Variants in CDH4 observed in about 807,000 individuals in gnomAD.
CDH4 encodes the protein cadherin-4.
CDH4 carries 33 observed loss-of-function variants against 86.0 expected under a neutral mutation model. The observed-to-expected ratio is 0.38, with a 90% confidence interval of 0.29 to 0.51. CDH4 has a LOEUF of 0.51. Among genes scored for constraint, CDH4 ranks in the 20% least tolerant of loss-of-function variants. CDH4 has a pLI of 0.86. For synonymous variants in CDH4, 555 were observed against 549.4 expected (o/e 1.01, Z -0.14); for missense variants, 1,114 against 1,307.4 (o/e 0.85, Z 2.28).
In CDH4 at chr20:61,652,943, T is replaced by TA. The variant is rs796083667; in HGVS notation, c.170-90620_170-90619insA. On this transcript the variant is annotated intron_variant, in intron 2 of 15. Transcript: ENST00000614565. Reference sequence around the variant, plus strand: ...ATTTATTTATTTATTTATTTATTTTTTTTTTTTTTTTTATTGATCATTCTT... The same window carrying TA: ...ATTTATTTATTTATTTATTTATTTTTATTTTTTTTTTTTATTGATCATTCTT... Among the ~76,000 whole-genome samples the TA allele has an allele frequency of 4.1e-4, 50 of 121,246 alleles. 1 individual carries two copies. The highest frequency in any genetic ancestry group is 7.5e-4 in the African/African-American group (27 of 36,052). The allele number at this position is 121,246 out of a possible 152,430, so 79.5% of individuals were successfully genotyped here.
chr20:61,847,451 T>G (rs922718302), intron 5 of CDH4, among the ~76,000 whole-genome samples: 1 of 152,042 alleles, frequency 6.6e-6, no homozygotes, highest in Non-Finnish European at 1.5e-5. Context: ...CAGGTAGAAA[T>G]TTTCAACCCA....
chr20:61,698,701 G>A (rs552352690), intron 2 of CDH4, among the ~76,000 whole-genome samples: 1 of 152,330 alleles, frequency 6.6e-6, no homozygotes, highest in South Asian at 2.1e-4. Context: ...GTGCACTGTG[G>A]GGTGCTCAGC....
chr20:61,897,242 G>A (rs138177286), intron 8 of CDH4, among the ~76,000 whole-genome samples: 1 of 152,222 alleles, frequency 6.6e-6, no homozygotes, highest in East Asian at 1.9e-4. Flanking sequence ...AAAATTCAGA[G>A]AATCCCATCA....
chr20:61,492,810 A>G (rs2085635798), intron 2 of CDH4, among the ~76,000 whole-genome samples: 1 of 152,228 alleles, frequency 6.6e-6, no homozygotes, highest in Non-Finnish European at 1.5e-5. Flanking sequence ...GATAGTATAG[A>G]ACATTTGGGG....
chr20:61,758,212 C>G (rs930490386), intron 3 of CDH4, among the ~76,000 whole-genome samples: 1 of 152,098 alleles, frequency 6.6e-6, no homozygotes, highest in South Asian at 2.1e-4. Context: ...TGTTGACATC[C>G]AAGTTGAGAG....
At chr20:61,805,255 C>T (rs1348871477) in intron 4 of CDH4, among the ~76,000 whole-genome samples, 3 of 152,212 alleles carry the variant, frequency 2.0e-5, no homozygotes, top group African/African-American at 7.2e-5. Flanking sequence ...CAGAGAAGAA[C>T]AGCTCCCTAA....
chr20:61,771,370 T>C (rs367585883), intron 3 of CDH4, among the ~76,000 whole-genome samples: 4 of 148,568 alleles, frequency 2.7e-5, no homozygotes, highest in African/African-American at 9.8e-5. Context: ...ATGCCTGTAA[T>C]CCCAGCACTT....
At chr20:61,834,569 G>C (rs1021261083) in intron 4 of CDH4, among the ~76,000 whole-genome samples, 1 of 152,346 alleles carries the variant, frequency 6.6e-6, no homozygotes, top group South Asian at 2.1e-4. Context: ...GGGGACGCGT[G>C]CATTAAATAT....
chr20:61,342,488 C>A lies in CDH4; in HGVS notation c.169+87551C>A, dbSNP rs2084654200. Among the ~76,000 whole-genome samples the A allele has an allele frequency of 2.0e-5, 3 of 152,174 alleles. No individual in the cohort carries two copies. The South Asian group carries it at 6.2e-4, about 31-fold the overall frequency. The stretch of plus-strand genomic sequence containing the variant: ...TGCACAGTTCACAATAGGGTTTGAG[C>A]TCCTATGAGAATCTAATGCTGCCAC... On this transcript the variant is annotated intron_variant, in intron 2 of 15. Coordinates refer to ENST00000614565, the MANE Select transcript of CDH4 (RefSeq NM_001794.5).
intron 2 of CDH4, among the ~76,000 whole-genome samples, chr20:61,310,889 A>G (rs2084441844): frequency 6.6e-6 from 1 of 152,078 alleles, no homozygotes. Flanking sequence ...TAAGGACCTC[A>G]TTTTGCCTTA....
At chr20:61,437,641 G>A (rs916253109) in intron 2 of CDH4, 6 of 152,228 alleles carry the variant, frequency 3.9e-5, no homozygotes, top group Admixed American at 3.9e-4. Flanking sequence ...GGGTAATAAG[G>A]AAACGAGAGG....
chr20:61,543,789 C>CT (rs1319092505), intron 2 of CDH4, among the ~76,000 whole-genome samples: 1 of 152,204 alleles, frequency 6.6e-6, no homozygotes, highest in Non-Finnish European at 1.5e-5. Context: ...GTTCATTTCT[C>CT]TGAGATGGCG....
At chr20:61,304,260 G>A (rs1235742897) in intron 2 of CDH4, among the ~76,000 whole-genome samples, 4 of 60,588 alleles carry the variant, frequency 6.6e-5, no homozygotes, top group African/African-American at 1.2e-4. Context: ...GATAGTGGAC[G>A]GCACCCCCCC....
rs192457341 is a variant in CDH4, at chr20:61,397,239, A to G, written c.169+142302A>G. On this transcript the variant is annotated intron_variant, in intron 2 of 15. Transcript: ENST00000614565. Reference sequence around the variant, plus strand: ...TAAAAATATTTATTTAAATGAGGAAAAACCAGAAAGTCTTGAGAAGTGAGG... The same window carrying G: ...TAAAAATATTTATTTAAATGAGGAAGAACCAGAAAGTCTTGAGAAGTGAGG... Among the ~76,000 whole-genome samples the G allele has an allele frequency of 5.3e-4, 80 of 152,292 alleles. 1 individual carries two copies. Among genetic ancestry groups the G allele is most frequent in the Admixed American group, 1.9e-3 (29 of 15,304 alleles).
chr20:61,620,497 T>A (rs1287893386), intron 2 of CDH4, among the ~76,000 whole-genome samples: 1 of 151,664 alleles, frequency 6.6e-6, no homozygotes, highest in Non-Finnish European at 1.5e-5. Flanking sequence ...GATGGATGGA[T>A]GATAGATGAT....
intron 2 of CDH4, among the ~76,000 whole-genome samples, chr20:61,336,235 A>G (rs2084616270): frequency 6.6e-6 from 1 of 152,174 alleles, no homozygotes; most frequent in Admixed American, 6.5e-5. Context: ...CAGTTCACTC[A>G]ATAAGCCTTT....
intron 7 of CDH4, among the ~76,000 whole-genome samples, chr20:61,884,227 AGGCCCCAAGG>A (rs1984431897): frequency 6.6e-6 from 1 of 152,162 alleles, no homozygotes; most frequent in African/African-American, 2.4e-5. Flanking sequence ...GGGACACCGG[AGGCCCCAAGG>A]GGTCATAAAA....
chr20:61,378,957 G>C (rs987702291), intron 2 of CDH4, among the ~76,000 whole-genome samples: 3 of 152,124 alleles, frequency 2.0e-5, no homozygotes, highest in African/African-American at 7.2e-5. Flanking sequence ...TTTTACTGAG[G>C]GCTCAGCTGT....
At chr20:61,793,456 T>TA (rs2146019508) in intron 4 of CDH4, among the ~76,000 whole-genome samples, 1 of 152,218 alleles carries the variant, frequency 6.6e-6, no homozygotes, top group African/African-American at 2.4e-5. Context: ...AGGGGGATAA[T>TA]AAGAGACATT....
Sources: gnomAD v4.1 joint callset for allele counts (sites outside exome capture counted in the v4.1 genomes callset) on GRCh38, gnomAD v4.1.1 for gene constraint, MANE v1.5 for transcripts, NCBI Gene and HGNC (gene_info 2026-07-23, HGNC 2026-07-21) for gene names.